The following C1orf87 variants were observed in gnomAD, a reference collection of about 807,000 sequenced individuals.
The protein encoded by C1orf87 is uncharacterized protein C1orf87.
A neutral mutation model predicts 60.5 loss-of-function variants in C1orf87; 58 were observed. The observed-to-expected ratio is 0.96, with a 90% confidence interval of 0.78 to 1.19. C1orf87 has a LOEUF of 1.19. Ranked by LOEUF, C1orf87 falls within the 50% of genes most tolerant of loss-of-function variation. The pLI is 0.00. For missense variants in C1orf87, 673 were observed against 638.6 expected (o/e 1.05, Z -0.58); for synonymous variants, 236 against 227.4 (o/e 1.04, Z -0.34).
intron 3 of C1orf87, among the ~76,000 whole-genome samples, chr1:60,050,428 C>T (rs904117106): frequency 6.6e-6 from 1 of 150,530 alleles, no homozygotes. Flanking sequence ...GGTGCCTTTT[C>T]CTCCATTTTA....
intron 10 of C1orf87, among the ~76,000 whole-genome samples, chr1:59,999,040 C>T (rs2100238867): frequency 6.6e-6 from 1 of 152,222 alleles, no homozygotes; most frequent in East Asian, 1.9e-4. Flanking sequence ...TGTGTTCCCC[C>T]AACTTTCAAA....
At chr1:60,057,511 A>C (rs1645465647) in intron 2 of C1orf87, among the ~76,000 whole-genome samples, 1 of 152,228 alleles carries the variant, frequency 6.6e-6, no homozygotes, top group Non-Finnish European at 1.5e-5. Context: ...AATGGTGAAT[A>C]GCCAGTTGAA....
Position 60,040,022 on chromosome 1 carries a change from G to A in C1orf87, c.642C>T (p.Leu214=), listed in dbSNP as rs753338444. Residue 214 remains leucine, a synonymous_variant, in exon 5 of 12, where the codon CTC becomes CTT. Transcript: ENST00000371201. ...ILDPISSGFL[L]QSQLSRLFLK... is the part of the protein sequence containing the mutation. Reference sequence around the variant, plus strand: ...AAAAGAGGCGGCTCAGCTGAGATTGGAGAAGAAATCCTGAAGAGATTGGGT... The same window carrying A: ...AAAAGAGGCGGCTCAGCTGAGATTGAAGAAGAAATCCTGAAGAGATTGGGT... The A allele has an allele frequency of 2.5e-6, 4 of 1,614,158 alleles. No individual in the cohort carries two copies. The highest frequency in any genetic ancestry group is 3.4e-6 in the Non-Finnish European group (4 of 1,180,038).
intron 11 of C1orf87, among the ~76,000 whole-genome samples, chr1:59,992,492 C>A (rs1178604837): frequency 6.6e-6 from 1 of 152,024 alleles, no homozygotes; most frequent in Non-Finnish European, 1.5e-5. Flanking sequence ...TGAGCTCAAG[C>A]AACCCTCCCC....
At chr1:60,058,331 G>A (rs1645471395) in intron 2 of C1orf87, among the ~76,000 whole-genome samples, 1 of 152,124 alleles carries the variant, frequency 6.6e-6, no homozygotes, top group South Asian at 2.1e-4. Context: ...GTGAGTGGTA[G>A]ACTTATGATG....
chr1:60,060,161 A>C (rs1421583306), intron 2 of C1orf87, among the ~76,000 whole-genome samples: 2 of 151,568 alleles, frequency 1.3e-5, no homozygotes, highest in African/African-American at 2.4e-5. Flanking sequence ...CGAAAAGATC[A>C]AAAAAATATG....
At chr1:60,044,073 A>G (rs1645347409) in intron 3 of C1orf87, among the ~76,000 whole-genome samples, 3 of 152,204 alleles carry the variant, frequency 2.0e-5, no homozygotes, top group Admixed American at 6.5e-5. Context: ...TCTGTTGTCC[A>G]GGCTGGAGTG....
intron 2 of C1orf87, among the ~76,000 whole-genome samples, chr1:60,060,976 T>C (rs1196622408): frequency 6.6e-6 from 1 of 152,206 alleles, no homozygotes; most frequent in Non-Finnish European, 1.5e-5. Context: ...GCAAAATGAC[T>C]GTGCAACTGC....
chr1:60,027,869 C>A (rs1474771542), intron 7 of C1orf87, among the ~76,000 whole-genome samples: 1 of 152,158 alleles, frequency 6.6e-6, no homozygotes, highest in East Asian at 1.9e-4. Flanking sequence ...TATATTTTGA[C>A]ATTATCTGTT....
chr1:60,062,614 C>G (rs1645504731), intron 2 of C1orf87, among the ~76,000 whole-genome samples: 1 of 151,936 alleles, frequency 6.6e-6, no homozygotes, highest in Non-Finnish European at 1.5e-5. Flanking sequence ...ATCTGTTGTT[C>G]CTTTTTATTT....
At chr1:60,032,602 TA>T in intron 7 of C1orf87, among the ~76,000 whole-genome samples, 1 of 151,948 alleles carries the variant, frequency 6.6e-6, no homozygotes, top group East Asian at 1.9e-4. Flanking sequence ...CATACCTGGC[TA>T]ATTTTTTTTG....
intron 2 of C1orf87, among the ~76,000 whole-genome samples, chr1:60,068,467 C>T (rs1188506076): frequency 6.6e-6 from 1 of 152,156 alleles, no homozygotes; most frequent in African/African-American, 2.4e-5. Flanking sequence ...CACAAATCCT[C>T]CCCACCTCCA....
At chr1:60,060,055 T>C (rs1055128306) in intron 2 of C1orf87, among the ~76,000 whole-genome samples, 4 of 151,728 alleles carry the variant, frequency 2.6e-5, no homozygotes, top group African/African-American at 4.8e-5. Flanking sequence ...GCTAATGCTA[T>C]TGTGTCAAAG....
chr1:60,018,217 C>G (rs562228227), intron 8 of C1orf87, among the ~76,000 whole-genome samples: 1 of 152,210 alleles, frequency 6.6e-6, no homozygotes, highest in Non-Finnish European at 1.5e-5. Flanking sequence ...GGTTTGCATA[C>G]AAAGCCCTTA....
intron 5 of C1orf87, among the ~76,000 whole-genome samples, chr1:60,039,305 C>T (rs562849183): frequency 1.3e-5 from 2 of 152,288 alleles, no homozygotes; most frequent in South Asian, 2.1e-4. Flanking sequence ...GTATTTTCCT[C>T]TGGCTCCCTG....
chr1:60,001,109 G>A lies in C1orf87; in HGVS notation c.1240C>T (p.Pro414Ser). Residue 414 changes from proline (P) to serine (S), a missense_variant, in exon 10 of 12, where the codon CCC becomes TCC. Transcript: ENST00000371201. Reference sequence around the variant, plus strand: ...TCAGTTTTGCTTTGAGACATCTCGGGGACTTCAGGCTCCATTGGAGGGGCA... The same window carrying A: ...TCAGTTTTGCTTTGAGACATCTCGGAGACTTCAGGCTCCATTGGAGGGGCA... ...APAPPMEPEV[P>S]EMSQSKTEHM... The A allele has an allele frequency of 6.2e-7, 1 of 1,607,562 alleles. No individual in the cohort carries two copies. The highest frequency in any genetic ancestry group is 1.1e-5 in the South Asian group (1 of 90,586).
In C1orf87 at chr1:60,041,129, A is replaced by C; in HGVS notation, c.345T>G (p.Ile115Met). ...ANSSRFLDGN[I>M]PSQANVHCSS... ...TGCAGTGGACATTTGCTTGACTGGG[A>C]ATCTTAACAGAACAAGGACAAAGGG... The change falls in exon 4 of 12, where the codon ATT becomes ATG. Residue 115 changes from isoleucine (I) to methionine (M), a missense_variant and splice_region_variant. Physicochemically the swap from Ile to Met is conservative, Grantham distance 10. Coordinates refer to ENST00000371201, the MANE Select transcript of C1orf87 (RefSeq NM_152377.3). 1.3e-6 allele frequency: 2 copies of C among 1,573,040 alleles called. No individual in the cohort carries two copies. Among genetic ancestry groups the C allele is most frequent in the East Asian group, 4.6e-5 (2 of 43,724 alleles).
At chr1:60,062,134 T>C (rs1378475333) in intron 2 of C1orf87, among the ~76,000 whole-genome samples, 2 of 152,112 alleles carry the variant, frequency 1.3e-5, no homozygotes, top group East Asian at 1.9e-4. Context: ...TTCGGTAACA[T>C]TCCCCTCCTC....
intron 3 of C1orf87, among the ~76,000 whole-genome samples, chr1:60,043,607 G>C (rs1030417309): frequency 6.6e-6 from 1 of 152,024 alleles, no homozygotes; most frequent in African/African-American, 2.4e-5. Flanking sequence ...GGATGGTCTC[G>C]ATCTCTTGAC....
Sources: allele counts gnomAD v4.1 joint callset (sites outside exome capture counted in the v4.1 genomes callset), GRCh38; gene constraint gnomAD v4.1.1; transcripts MANE v1.5; gene names NCBI Gene and HGNC (gene_info 2026-07-23, HGNC 2026-07-21).